The following LRRC27 variants were observed in gnomAD, a reference collection of about 807,000 sequenced individuals.
LRRC27 encodes leucine-rich repeat-containing protein 27.
A neutral mutation model predicts 55.0 loss-of-function variants in LRRC27; 57 were observed. The ratio of observed to expected loss-of-function variants is 1.04; its 90% CI spans 0.84 to 1.29. The LOEUF is 1.29. LRRC27 is among the 50% of genes most tolerant of loss of function. The pLI is 0.00. For synonymous variants in LRRC27, 278 were observed against 251.9 expected (o/e 1.10, Z -0.98); for missense variants, 721 against 651.5 (o/e 1.11, Z -1.16).
Position 132,353,383 on chromosome 10 carries a change from C to A in LRRC27, c.1073+1630C>A, listed in dbSNP as rs563213538. On this transcript the variant is annotated intron_variant, in intron 7 of 10. Coordinates refer to ENST00000368614, the MANE Select transcript of LRRC27 (RefSeq NM_030626.3). ...CTGCTCCCTCCCCAACATGAATAAA[C>A]CCTCCTGAAGCCACCCCGTTGTGTG... 7 of 1,057,146 alleles carry A rather than the reference C, an allele frequency of 6.6e-6. No individual in the cohort carries two copies. The South Asian group carries it at 2.0e-4, about 30-fold the overall frequency. The allele number at this position is 1,057,146 out of a possible 1,614,324, so 65.5% of individuals were successfully genotyped here. A position where few individuals can be genotyped will look rare whatever the true frequency, so the allele number is the denominator to read the frequency against.
Position 132,333,540 on chromosome 10 carries a change from T to C in LRRC27, c.16T>C (p.Ser6Pro), listed in dbSNP as rs2066939996. ...AAGAGAACGGATGGAGGGAAGCAGC[T>C]CCTACGAAGTTCCCTCTGTGGCTGC... is the stretch of plus-strand genomic sequence containing the variant. MEGSS[S>P]YEVPSVAAAD... The change falls in exon 2 of 11, where the codon TCC (serine) becomes CCC (proline). Residue 6 changes from serine to proline, a missense_variant. By Grantham distance (74) the Ser-to-Pro change is moderately conservative. Coordinates refer to ENST00000368614, the MANE Select transcript of LRRC27 (RefSeq NM_030626.3). 1.9e-6 allele frequency: 3 copies of C among 1,604,582 alleles called. No homozygotes were observed. In the East Asian group the frequency reaches 6.7e-5, roughly 36 times the overall value.
At chr10:132,364,665 TGCACAC>T (rs2068931041) in intron 9 of LRRC27, among the ~76,000 whole-genome samples, 17 of 61,884 alleles carry the variant, frequency 2.7e-4, no homozygotes, top group African/African-American at 9.1e-4. Flanking sequence ...TACATCTACC[TGCACAC>T]CCACGCTTAC....
rs1044454894 is a variant in LRRC27, at chr10:132,381,365, C to T, written c.*6123C>T. ...GGCCACAGACTGAAGGCTGCACTGT[C>T]GGCTTCCCTCCTTTAGAGGTTTGGG... On this transcript the variant is annotated 3_prime_UTR_variant, in exon 11 of 11. Transcript: ENST00000368614. 6.6e-5 allele frequency among the ~76,000 whole-genome samples: 10 copies of T among 152,242 alleles called. No individual in the cohort carries two copies. In the South Asian group the frequency reaches 1.0e-3, roughly 16 times the overall value.
rs1190366142 is a variant in LRRC27 at position 132,379,558 on chromosome 10, T to C, written c.*4316T>C. 1 of 152,274 alleles carries C rather than the reference T, an allele frequency of 6.6e-6. No homozygotes were observed. The highest frequency in any genetic ancestry group is 2.4e-5 in the African/African-American group (1 of 41,468). 9.4% of individuals were successfully genotyped at this position (152,274 alleles called of 1,614,324 possible). ...ACCTTTTCCACTAGATCCTTTTACA[T>C]CATCATTATAATGATTTTTTTTTAA... On this transcript the variant is annotated 3_prime_UTR_variant, in exon 11 of 11. Coordinates refer to ENST00000368614, the MANE Select transcript of LRRC27 (RefSeq NM_030626.3).
intron 10 of LRRC27, among the ~76,000 whole-genome samples, chr10:132,371,940 G>A (rs996462993): frequency 6.6e-6 from 1 of 152,240 alleles, no homozygotes; most frequent in Non-Finnish European, 1.5e-5. Context: ...GCTGGCAGGT[G>A]AGCCCTTGTC....
intron 5 of LRRC27, among the ~76,000 whole-genome samples, chr10:132,347,455 G>A (rs1288661763): frequency 1.3e-5 from 2 of 151,548 alleles, no homozygotes; most frequent in Non-Finnish European, 2.9e-5. Flanking sequence ...AGTGGGGCTT[G>A]TGTGGGAAGG....
rs1293006880 is a variant in LRRC27, at chr10:132,340,900, T to G, written c.342-1313T>G. Among the ~76,000 whole-genome samples, 4 of 146,646 alleles carry G rather than the reference T, an allele frequency of 2.7e-5. No individual in the cohort carries two copies. The East Asian group carries it at 7.9e-4, about 29-fold the overall frequency. ...CATCTCAAAAAAAAAAAAAAAAAATTCAAATAACAAGGAAAATCCAAGAAA... is the reference window on the plus strand; with the variant it reads ...CATCTCAAAAAAAAAAAAAAAAAATGCAAATAACAAGGAAAATCCAAGAAA... On this transcript the variant is annotated intron_variant, in intron 3 of 10. Transcript: ENST00000368614.
chr10:132,337,197 G>T, intron 2 of LRRC27: 1 of 1,173,626 alleles, frequency 8.5e-7, no homozygotes, highest in Non-Finnish European at 1.1e-6. Context: ...GGGGGCTGCC[G>T]AGGGCCAGGT....
At position 132,352,872 on chromosome 10, in the gene LRRC27, T is replaced by C. The variant is rs955089450; in HGVS notation, c.1073+1119T>C. On this transcript the variant is annotated intron_variant, in intron 7 of 10. Transcript: ENST00000368614. ...CTTGTTCTTTTCCCTCATTTCTTGT[T>C]CTTCCTCAGTCCTTTCCTCCTCATT... is the stretch of plus-strand genomic sequence containing the variant. 5.0e-6 allele frequency: 8 copies of C among 1,613,706 alleles called. No individual in the cohort carries two copies. In the Admixed American group the frequency reaches 5.0e-5, roughly 10 times the overall value.
rs2067836632 is a variant in LRRC27 at position 132,348,501 on chromosome 10, G to C, written c.926+145G>C. 8.6e-7 allele frequency: 1 copy of C among 1,161,270 alleles called. No individual in the cohort carries two copies. Among genetic ancestry groups the C allele is most frequent in the Non-Finnish European group, 1.2e-6 (1 of 823,782 alleles). The allele number at this position is 1,161,270 out of a possible 1,614,324, so 71.9% of individuals were successfully genotyped here. On this transcript the variant is annotated intron_variant, in intron 6 of 10. Transcript: ENST00000368614. This position sits in a 1 kb window ranked among gnomAD's most constrained non-coding sequence, Gnocchi z 4.2. ...ACTGTGCAGTGAGTGCCGGTCCCAGGTTTAGGGTAACGGGGACCCGCATCA... is the reference window on the plus strand; with the variant it reads ...ACTGTGCAGTGAGTGCCGGTCCCAGCTTTAGGGTAACGGGGACCCGCATCA...
chr10:132,361,914 C>A (rs2068637200), intron 9 of LRRC27, among the ~76,000 whole-genome samples: 1 of 152,136 alleles, frequency 6.6e-6, no homozygotes, highest in Non-Finnish European at 1.5e-5. Context: ...CCCTGCCCTG[C>A]CCTGCCGTGC....
intron 2 of LRRC27, chr10:132,336,913 G>T: frequency 1.5e-6 from 1 of 660,446 alleles, no homozygotes; most frequent in South Asian, 1.8e-5. Context: ...AAAATTGTGT[G>T]AATGTTATAT....
Position 132,375,126 on chromosome 10 carries a change from C to G in LRRC27, c.1477C>G (p.Arg493Gly), listed in dbSNP as rs752575098. 1.2e-6 allele frequency: 2 copies of G among 1,614,034 alleles called. No individual in the cohort carries two copies. The highest frequency in any genetic ancestry group is 3.3e-5 in the Admixed American group (2 of 60,006). Reference protein sequence around the residue: ...LKLGLTLNKDRRRAALTGNLS... With the variant: ...LKLGLTLNKDGRRAALTGNLS... ...ATTGGGATTAACCTTGAACAAAGAT[C>G]GTCGACGGGCGGCCCTCACTGGAAA... The change falls in exon 11 of 11, where the codon CGT becomes GGT. Residue 493 changes from arginine (R) to glycine (G), a missense_variant. Transcript: ENST00000368614.
At chr10:132,357,603 T>C (rs1291074612) in intron 8 of LRRC27, among the ~76,000 whole-genome samples, 2 of 152,074 alleles carry the variant, frequency 1.3e-5, no homozygotes, top group Non-Finnish European at 2.9e-5. Context: ...TGGAAGAACG[T>C]ACAGCAACCC....
chr10:132,339,273 G>A (rs915028134), intron 3 of LRRC27, among the ~76,000 whole-genome samples: 5 of 152,218 alleles, frequency 3.3e-5, no homozygotes, highest in African/African-American at 1.2e-4. Context: ...GCTTGTAGGA[G>A]GCCCTTCACT....
rs1564853892 is a variant in LRRC27 at position 132,364,519 on chromosome 10, G to GCTTACATCTACCTCCACACCCA, written c.1290-904_1290-903insTTACATCTACCTCCACACCCAC. On this transcript the variant is annotated intron_variant, in intron 9 of 10. Coordinates refer to ENST00000368614, the MANE Select transcript of LRRC27 (RefSeq NM_030626.3). The stretch of plus-strand genomic sequence containing the variant: ...CACCCTTACATCTACCTCCACACTC[G>GCTTACATCTACCTCCACACCCA]CACTTACACCCACACTTAAATCTAC... Among the ~76,000 whole-genome samples the GCTTACATCTACCTCCACACCCA allele has an allele frequency of 1.8e-3, 14 of 7,778 alleles. 2 individuals carry two copies. Among genetic ancestry groups the GCTTACATCTACCTCCACACCCA allele is most frequent in the Admixed American group, 3.4e-3 (2 of 586 alleles). The allele number at this position is 7,778 out of a possible 152,430, so 5.1% of individuals were successfully genotyped here. A position where few individuals can be genotyped will look rare whatever the true frequency, so the allele number is the denominator to read the frequency against.
At chr10:132,357,598 G>T (rs557479339) in intron 8 of LRRC27, among the ~76,000 whole-genome samples, 1 of 152,188 alleles carries the variant, frequency 6.6e-6, no homozygotes, top group Non-Finnish European at 1.5e-5. Context: ...TGGTCTGGAA[G>T]AACGTACAGC....
chr10:132,346,363 T>G (rs2067686711), intron 5 of LRRC27, among the ~76,000 whole-genome samples: 1 of 152,156 alleles, frequency 6.6e-6, no homozygotes, highest in Non-Finnish European at 1.5e-5. Context: ...TTTTAGTACT[T>G]TGTCCTTTCA....
intron 6 of LRRC27, chr10:132,350,431 CAGCAGGTTAAAGGCCA>C (rs1389670891): frequency 2.6e-5 from 4 of 152,364 alleles, no homozygotes; most frequent in African/African-American, 9.6e-5. Flanking sequence ...CTTCCAAAAG[CAGCAGGTTAAAGGCCA>C]GTGCCCAGCA....
Sources: gnomAD v4.1 joint callset for allele counts (sites outside exome capture counted in the v4.1 genomes callset) on GRCh38, gnomAD v4.1.1 for gene constraint, Gnocchi (gnomAD v3.1) non-coding constraint, MANE v1.5 for transcripts, NCBI Gene and HGNC (gene_info 2026-07-23, HGNC 2026-07-21) for gene names.